PCOLCE2: variants seen among roughly 807,000 people sequenced by gnomAD.
PCOLCE2 encodes the protein procollagen C-endopeptidase enhancer 2.
Under a neutral mutation model 47.0 loss-of-function variants are expected in PCOLCE2, and 42 were observed. The ratio of observed to expected loss-of-function variants is 0.89; its 90% CI spans 0.70 to 1.16. PCOLCE2 has a LOEUF of 1.16. PCOLCE2 is among the 50% of genes most tolerant of loss of function. The pLI, the probability that PCOLCE2 is intolerant of heterozygous loss-of-function variation, is 0.00. For missense variants in PCOLCE2, 500 were observed against 526.1 expected, an observed-to-expected ratio of 0.95 and a Z score of 0.49; for synonymous variants, 169 against 191.7, an observed-to-expected ratio of 0.88 and a Z score of 0.98.
intron 6 of PCOLCE2, among the ~76,000 whole-genome samples, 190 bp downstream of exon 6, chr3:142,829,502 T>C (rs2108187655): frequency 6.6e-6 from 1 of 152,340 alleles, no homozygotes; most frequent in Admixed American, 6.5e-5. Context: ...ATTTAAAAAC[T>C]ATTAGCTTAC....
In PCOLCE2 at chr3:142,858,939, C is replaced by T. The variant is rs79449412; in HGVS notation, c.193-10467G>A. ...GTGGAGATTCCTGGAGAAAAAGCAT[C>T]CCCAGGCTAAACCACTAGTACATAT... is the stretch of plus-strand genomic sequence containing the variant. On this transcript the variant is annotated intron_variant, in intron 2 of 8. Coordinates refer to ENST00000295992, the MANE Select transcript of PCOLCE2 (RefSeq NM_013363.4). 2.6e-3 allele frequency among the ~76,000 whole-genome samples: 395 copies of T among 152,240 alleles called. 6 individuals are homozygous for T. The East Asian group carries it at 0.03, about 12-fold the overall frequency.
At chr3:142,852,759 T>C (rs1262691693) in intron 2 of PCOLCE2, among the ~76,000 whole-genome samples, 2 of 148,322 alleles carry the variant, frequency 1.3e-5, no homozygotes, top group African/African-American at 4.9e-5. Flanking sequence ...TATTTTAATA[T>C]ATATTATATA....
intron 4 of PCOLCE2, among the ~76,000 whole-genome samples, chr3:142,840,846 C>T (rs142704892): frequency 0.017 from 2,622 of 152,158 alleles, 70 homozygotes; most frequent in African/African-American, 0.06. Context: ...GAGGCCGAGG[C>T]AGGCAGATCA....
chr3:142,851,404 G>C (rs1021641244), intron 2 of PCOLCE2, among the ~76,000 whole-genome samples: 2 of 152,140 alleles, frequency 1.3e-5, no homozygotes, highest in Non-Finnish European at 2.9e-5. Flanking sequence ...AGGGGAGAGT[G>C]GTGAGGTTTG....
At chr3:142,865,004 G>A (rs1378248227) in intron 2 of PCOLCE2, among the ~76,000 whole-genome samples, 1 of 152,082 alleles carries the variant, frequency 6.6e-6, no homozygotes. Flanking sequence ...CATTTCTCCT[G>A]CATCTAAAAG....
chr3:142,828,517 G>A (rs1210732697), intron 6 of PCOLCE2, among the ~76,000 whole-genome samples: 3 of 152,170 alleles, frequency 2.0e-5, no homozygotes, highest in Non-Finnish European at 4.4e-5. Flanking sequence ...GCGGGGTAGG[G>A]CATGAGGTCA....
chr3:142,833,940 C>T (rs2108189877), intron 5 of PCOLCE2, among the ~76,000 whole-genome samples: 1 of 152,256 alleles, frequency 6.6e-6, no homozygotes, highest in East Asian at 1.9e-4. Context: ...CTAAGTTTCT[C>T]ATTTAAGTTT....
intron 5 of PCOLCE2, 30 bp downstream of exon 5, chr3:142,838,740 C>A (rs1346021446): frequency 6.3e-7 from 1 of 1,593,298 alleles, no homozygotes; most frequent in Non-Finnish European, 8.6e-7. Flanking sequence ...AGCCATAAAA[C>A]TATTAAAGAC....
chr3:142,888,586 G>A (rs1933761278), intron 1 of PCOLCE2: 1 of 407,872 alleles, frequency 2.5e-6, no homozygotes, highest in Non-Finnish European at 4.4e-6. Flanking sequence ...GGGCCATCCG[G>A]CAGGCCGGGC....
intron 2 of PCOLCE2, among the ~76,000 whole-genome samples, chr3:142,876,426 C>T (rs966492457): frequency 2.0e-5 from 3 of 152,126 alleles, no homozygotes; most frequent in Admixed American, 6.5e-5. Flanking sequence ...AAGTAGCAAG[C>T]CCAAAGTCAT....
In PCOLCE2 at chr3:142,820,926, T is replaced by A; in HGVS notation, c.1069A>T (p.Ser357Cys). ...LAIQQAGKNM[S>C]ARLTVVCKQC... ...TTGCAGACGACAGTCAGCCTGGCAC[T>A]CATGTTCTTGCCCGCCTGCTGAATC... Residue 357 changes from serine to cysteine, a missense_variant, in exon 8 of 9, where the codon AGT becomes TGT. Transcript: ENST00000295992. 2.5e-6 allele frequency: 4 copies of A among 1,614,166 alleles called. No homozygotes were observed. Among genetic ancestry groups the A allele is most frequent in the Non-Finnish European group, 3.4e-6 (4 of 1,180,008 alleles).
intron 2 of PCOLCE2, among the ~76,000 whole-genome samples, chr3:142,874,852 C>T (rs1377720918): frequency 6.6e-6 from 1 of 152,084 alleles, no homozygotes; most frequent in Non-Finnish European, 1.5e-5. Context: ...AAGATGTCCC[C>T]GAATGCTATG....
At chr3:142,859,053 C>T (rs929049896) in intron 2 of PCOLCE2, among the ~76,000 whole-genome samples, 1 of 151,634 alleles carries the variant, frequency 6.6e-6, no homozygotes, top group Non-Finnish European at 1.5e-5. Flanking sequence ...TCATACAACA[C>T]CCATGTTTTC....
chr3:142,857,753 C>A (rs760420174), intron 2 of PCOLCE2, among the ~76,000 whole-genome samples: 7 of 152,134 alleles, frequency 4.6e-5, no homozygotes, highest in Non-Finnish European at 1.0e-4. Flanking sequence ...ATCCCAACAA[C>A]CACAGGTTGA....
intron 2 of PCOLCE2, among the ~76,000 whole-genome samples, chr3:142,868,829 C>T (rs1325468038): frequency 6.6e-6 from 1 of 152,176 alleles, no homozygotes; most frequent in Non-Finnish European, 1.5e-5. Flanking sequence ...TGTAAGGGCG[C>T]ACTATTCAAT....
At chr3:142,823,458 G>T in intron 7 of PCOLCE2, 74 bp downstream of exon 7, 1 of 871,662 alleles carries the variant, frequency 1.1e-6, no homozygotes, top group Non-Finnish European at 1.9e-6. Flanking sequence ...TAAATTCATA[G>T]GAATTCCTTT....
At position 142,848,323 on chromosome 3, in the gene PCOLCE2, G is replaced by C; in HGVS notation, c.342C>G (p.Ala114=). ...GRFCGTFRPG[A]LVSSGNKMMV... The stretch of plus-strand genomic sequence containing the variant: ...TCATCTTGTTGCCACTGGACACAAG[G>C]GCTCCAGGCCGGAAAGTGCCACAGA... Residue 114 remains alanine (A), a synonymous_variant, in exon 3 of 9, where the codon GCC becomes GCG. Coordinates refer to ENST00000295992, the MANE Select transcript of PCOLCE2 (RefSeq NM_013363.4). The C allele has an allele frequency of 6.2e-7, 1 of 1,614,208 alleles. No homozygotes were observed. The highest frequency in any genetic ancestry group is 1.3e-5 in the African/African-American group (1 of 75,062).
At chr3:142,856,639 A>G (rs1386250262) in intron 2 of PCOLCE2, among the ~76,000 whole-genome samples, 2 of 152,240 alleles carry the variant, frequency 1.3e-5, no homozygotes, top group Non-Finnish European at 2.9e-5. Flanking sequence ...AGGTAGATGC[A>G]GCAGGATGAG....
intron 3 of PCOLCE2, among the ~76,000 whole-genome samples, chr3:142,846,407 C>T (rs1427215391): frequency 6.6e-6 from 1 of 152,136 alleles, no homozygotes; most frequent in Non-Finnish European, 1.5e-5. Flanking sequence ...ACCATGTTGG[C>T]CAGGCTGGTC....
Sources: allele counts gnomAD v4.1 joint callset (sites outside exome capture counted in the v4.1 genomes callset), GRCh38; gene constraint gnomAD v4.1.1; transcripts MANE v1.5; gene names NCBI Gene and HGNC (gene_info 2026-07-23, HGNC 2026-07-21).